The following GPM6A variants were observed in gnomAD, a reference collection of about 807,000 sequenced individuals.
The protein encoded by GPM6A is neuronal membrane glycoprotein M6-a.
Under a neutral mutation model 32.1 loss-of-function variants are expected in GPM6A, and 7 were observed. That is an observed-to-expected ratio of 0.22 (90% CI 0.12 to 0.41). The LOEUF is 0.41. Among genes scored for constraint, GPM6A ranks in the 10% least tolerant of loss-of-function variants. The pLI is 1.00. For missense variants in GPM6A, 235 were observed against 347.2 expected (o/e 0.68, Z 2.57); for synonymous variants, 130 against 123.4 (o/e 1.05, Z -0.35).
chr4:175,903,009 CAACACGCT>C lies in GPM6A; in HGVS notation c.-22-90768_-22-90761del, dbSNP rs199919746. ...TTTTCTAGAGAGAGCTGAGAAGCAA[CAACACGCT>C]AATAACAGTAAGTACATCTATAACC... On this transcript the variant is annotated intron_variant, in intron 1 of 7. Transcript: ENST00000280187. Among the ~76,000 whole-genome samples the C allele has an allele frequency of 4.0e-3, 614 of 152,140 alleles. 2 individuals carry two copies. Among genetic ancestry groups the C allele is most frequent in the African/African-American group, 0.014 (576 of 41,514 alleles).
At chr4:175,712,395 A>C (rs1745605493) in intron 1 of GPM6A, among the ~76,000 whole-genome samples, 1 of 152,210 alleles carries the variant, frequency 6.6e-6, no homozygotes, top group Admixed American at 6.5e-5. Context: ...CCAAATTAAT[A>C]AAGAAGAGCT....
chr4:175,927,782 G>A (rs1290322232), intron 1 of GPM6A, among the ~76,000 whole-genome samples: 1 of 152,194 alleles, frequency 6.6e-6, no homozygotes, highest in Non-Finnish European at 1.5e-5. Context: ...CTACTCCGGA[G>A]GCTGAGGCGG....
At chr4:175,708,363 T>TTTAA (rs1553978377) in intron 1 of GPM6A, among the ~76,000 whole-genome samples, 3 of 142,208 alleles carry the variant, frequency 2.1e-5, no homozygotes, top group African/African-American at 7.8e-5. Context: ...AGAAGGTTTA[T>TTTAA]TTTATTTATT....
intron 6 of GPM6A, among the ~76,000 whole-genome samples, chr4:175,637,699 T>TATATA (rs1740853811): frequency 1.4e-5 from 1 of 70,240 alleles, no homozygotes; most frequent in African/African-American, 6.4e-5. Context: ...TATAATATAT[T>TATATA]ATATATTATA....
At chr4:175,757,412 C>T (rs1424895787) in intron 1 of GPM6A, among the ~76,000 whole-genome samples, 2 of 152,112 alleles carry the variant, frequency 1.3e-5, no homozygotes, top group African/African-American at 4.8e-5. Context: ...TCTAGCCAAG[C>T]CACTCCCAAA....
intron 1 of GPM6A, among the ~76,000 whole-genome samples, chr4:175,863,339 A>T (rs574682709): frequency 6.6e-6 from 1 of 152,222 alleles, no homozygotes; most frequent in East Asian, 1.9e-4. Flanking sequence ...TATACTATGC[A>T]TAGTTTTTGT....
At chr4:175,945,355 T>C (rs1739556459) in intron 1 of GPM6A, among the ~76,000 whole-genome samples, 1 of 152,166 alleles carries the variant, frequency 6.6e-6, no homozygotes, top group South Asian at 2.1e-4. Context: ...AGTGTTTCCA[T>C]AGTAGAGTTT....
chr4:175,901,497 C>T (rs1737964821), intron 1 of GPM6A, among the ~76,000 whole-genome samples: 1 of 151,222 alleles, frequency 6.6e-6, no homozygotes, highest in Non-Finnish European at 1.5e-5. Flanking sequence ...AGAGTAGCTA[C>T]CATTAAAAAG....
Position 175,781,317 on chromosome 4 carries a change from G to C in GPM6A, c.37+30874C>G, listed in dbSNP as rs909771869. On this transcript the variant is annotated intron_variant, in intron 1 of 6. Transcript: ENST00000393658. ...GATGCCCTGAAGAAATGAAGGGAAG[G>C]GGGTGTCAGGGAGGGGCGCCCAGAG... 4 of 152,194 alleles carry C rather than the reference G, an allele frequency of 2.6e-5. No individual in the cohort carries two copies. In the East Asian group the frequency reaches 5.8e-4, roughly 22 times the overall value. 9.4% of individuals were successfully genotyped at this position (152,194 alleles called of 1,614,324 possible).
chr4:175,662,138 C>T (rs1027438915), intron 3 of GPM6A, among the ~76,000 whole-genome samples: 1 of 151,994 alleles, frequency 6.6e-6, no homozygotes, highest in Non-Finnish European at 1.5e-5. Context: ...TGGAATGAGG[C>T]ATACCAAAGA....
At chr4:175,865,251 T>C (rs928625853) in intron 1 of GPM6A, among the ~76,000 whole-genome samples, 3 of 152,244 alleles carry the variant, frequency 2.0e-5, no homozygotes, top group Non-Finnish European at 4.4e-5. Flanking sequence ...ACTGGCTATA[T>C]AGATGTGGTT....
At chr4:175,823,430 A>G (rs1286033319) in intron 1 of GPM6A, among the ~76,000 whole-genome samples, 1 of 152,206 alleles carries the variant, frequency 6.6e-6, no homozygotes, top group East Asian at 1.9e-4. Context: ...TGCAAATGAC[A>G]GTCTTGCAAA....
At chr4:175,776,744 C>CCACCA (rs929414950) in intron 1 of GPM6A, among the ~76,000 whole-genome samples, 1 of 152,072 alleles carries the variant, frequency 6.6e-6, no homozygotes, top group Admixed American at 6.5e-5. Flanking sequence ...TATCGAACCC[C>CCACCA]CACCATGATT....
intron 1 of GPM6A, among the ~76,000 whole-genome samples, chr4:175,990,648 T>TTG (rs1561025420): frequency 1.3e-5 from 2 of 151,792 alleles, no homozygotes; most frequent in Non-Finnish European, 2.9e-5. Context: ...AAGTAGTTTT[T>TTG]TTTTTTTTTT....
At chr4:175,813,072 CTT>C (rs1347230712), upstream of GPM6A, 1 of 984,044 alleles carries the variant, frequency 1.0e-6, no homozygotes, top group African/African-American at 1.7e-5. Flanking sequence ...CCATATGACT[CTT>C]AAGTAAAAGG....
In GPM6A at chr4:175,831,693, G is replaced by A. The variant is rs191211978; in HGVS notation, c.-22-19444C>T. Among the ~76,000 whole-genome samples, 904 of 118,306 alleles carry A rather than the reference G, an allele frequency of 7.6e-3. 8 individuals carry two copies. The highest frequency in any genetic ancestry group is 0.017 in the South Asian group (56 of 3,338). The allele number at this position is 118,306 out of a possible 152,430, so 77.6% of individuals were successfully genotyped here. ...TTCTCAAAGGTCACAAATAGAACTTGTTAAGGCCCATTTAGCCATCTCTTT... is the reference window on the plus strand; with the variant it reads ...TTCTCAAAGGTCACAAATAGAACTTATTAAGGCCCATTTAGCCATCTCTTT... On this transcript the variant is annotated intron_variant, in intron 1 of 7. Coordinates refer to the GPM6A transcript ENST00000280187.
At chr4:175,970,772 A>G (rs1378093134) in intron 1 of GPM6A, 4 of 427,812 alleles carry the variant, frequency 9.3e-6, no homozygotes, top group South Asian at 1.7e-5. Flanking sequence ...AATTGCAACT[A>G]AAAGAAAAGC....
chr4:175,872,468 G>A (rs531246855), intron 1 of GPM6A, among the ~76,000 whole-genome samples: 1 of 152,186 alleles, frequency 6.6e-6, no homozygotes, highest in Non-Finnish European at 1.5e-5. Flanking sequence ...ATGATGAGTT[G>A]CCATGCAAAT....
intron 1 of GPM6A, among the ~76,000 whole-genome samples, chr4:175,948,632 G>A (rs778614262): frequency 4.5e-4 from 69 of 151,974 alleles, no homozygotes; most frequent in Middle Eastern, 3.2e-3. Flanking sequence ...ATTCATTATC[G>A]TAACTCAAAA....
Sources: allele counts gnomAD v4.1 joint callset (sites outside exome capture counted in the v4.1 genomes callset), GRCh38; gene constraint gnomAD v4.1.1; transcripts MANE v1.5; gene names NCBI Gene and HGNC (gene_info 2026-07-23, HGNC 2026-07-21).